The following WDR12 variants were observed in gnomAD, a reference collection of about 807,000 sequenced individuals.
WDR12 encodes ribosome biogenesis protein WDR12.
In WDR12, 42 loss-of-function variants were observed where a neutral mutation model predicts 64.3. That is an observed-to-expected ratio of 0.65 (90% CI 0.51 to 0.84). The LOEUF is 0.84. WDR12 is among the 40% of genes least tolerant of loss of function. The probability of loss-of-function intolerance (pLI) is 0.00; values close to 1 mark genes in which losing one functional copy is unlikely to be tolerated. For missense variants in WDR12, 469 were observed against 494.6 expected (o/e 0.95, Z 0.49); for synonymous variants, 158 against 173.3 (o/e 0.91, Z 0.70).
At chr2:202,899,697 G>C in intron 3 of WDR12, 60 bp from the exon 4 acceptor site, 1 of 1,441,526 alleles carries the variant, frequency 6.9e-7, no homozygotes, top group Non-Finnish European at 9.7e-7. Context: ...ATTACATTAT[G>C]AAGATAACCC....
intron 4 of WDR12, 55 bp downstream of exon 4, chr2:202,899,476 C>T (rs1399003569): frequency 1.4e-5 from 21 of 1,464,592 alleles, no homozygotes; most frequent in African/African-American, 2.8e-5. Flanking sequence ...TTTAAAAAGA[C>T]TGAAGGAGGT....
chr2:202,900,303 T>C (rs1297140216), intron 3 of WDR12, among the ~76,000 whole-genome samples: 3 of 144,026 alleles, frequency 2.1e-5, no homozygotes, highest in Non-Finnish European at 3.0e-5. Flanking sequence ...CACTCCAGCC[T>C]GGGCAACAGA....
intron 11 of WDR12, 113 bp downstream of exon 11, chr2:202,883,496 A>C (rs1574401615): frequency 1.5e-6 from 2 of 1,332,036 alleles, no homozygotes; most frequent in Non-Finnish European, 2.0e-6. Context: ...TGAGGTTGCA[A>C]AACCATGAGG....
intron 5 of WDR12, 138 bp from the exon 6 acceptor site, chr2:202,896,357 TA>T: frequency 1.1e-6 from 1 of 931,008 alleles, no homozygotes; most frequent in Non-Finnish European, 1.6e-6. Flanking sequence ...GGCCAGGTTT[TA>T]AAAGGCTGAT....
intron 4 of WDR12, among the ~76,000 whole-genome samples, chr2:202,897,888 CAAA>C (rs10637220): frequency 2.0e-4 from 15 of 74,188 alleles, no homozygotes; most frequent in Admixed American, 4.3e-4. Flanking sequence ...GACTCCGTTT[CAAA>C]AAAAAAAAAA....
intron 8 of WDR12, among the ~76,000 whole-genome samples, chr2:202,891,558 A>T (rs1177786966): frequency 6.6e-6 from 1 of 152,202 alleles, no homozygotes; most frequent in Non-Finnish European, 1.5e-5. Flanking sequence ...AGAAATTATA[A>T]ATCATTACTT....
rs762003777 is a variant in WDR12 at position 202,894,641 on chromosome 2, A to G, written c.610-15T>C. On this transcript the variant is annotated splice_polypyrimidine_tract_variant and intron_variant, in intron 6 of 12. Coordinates refer to ENST00000261015, the MANE Select transcript of WDR12 (RefSeq NM_018256.4). ...CCACTGCAAAACTAAACAGATGTAT[A>G]TGAAGGGAAAAGACATATGTAATAT... is the stretch of plus-strand genomic sequence containing the variant. 6.2e-7 allele frequency: 1 copy of G among 1,602,822 alleles called. No individual in the cohort carries two copies. The highest frequency in any genetic ancestry group is 8.5e-7 in the Non-Finnish European group (1 of 1,174,158).
rs1687848322 is a variant in WDR12 at position 202,875,782 on chromosome 2, A to T, written c.*5078T>A. On this transcript the variant is annotated 3_prime_UTR_variant, in exon 13 of 13. Coordinates refer to ENST00000261015, the MANE Select transcript of WDR12 (RefSeq NM_018256.4). ...TTCTTGTGCACGACATAAGATTGACAAAATATATACCAGTTAAGAGCTTGT... is the reference window on the plus strand; with the variant it reads ...TTCTTGTGCACGACATAAGATTGACTAAATATATACCAGTTAAGAGCTTGT... 6.6e-6 allele frequency: 1 copy of T among 152,200 alleles called. No homozygotes were observed. Among genetic ancestry groups the T allele is most frequent in the South Asian group, 2.1e-4 (1 of 4,834 alleles). The allele number at this position is 152,200 out of a possible 1,614,324, so 9.4% of individuals were successfully genotyped here. A position where few individuals can be genotyped will look rare whatever the true frequency, so the allele number is the denominator to read the frequency against.
In WDR12 at chr2:202,911,606, G is replaced by A; in HGVS notation, c.-130C>T. On this transcript the variant is annotated 5_prime_UTR_variant, in exon 1 of 13. Coordinates refer to ENST00000261015, the MANE Select transcript of WDR12 (RefSeq NM_018256.4). Reference sequence around the variant, plus strand: ...CTGCACAGGTAAGCGAGGAACTGCAGTCTAAGCCTGGACTCTGCCTTCTGC... The same window carrying A: ...CTGCACAGGTAAGCGAGGAACTGCAATCTAAGCCTGGACTCTGCCTTCTGC... 1.2e-6 allele frequency: 1 copy of A among 841,830 alleles called. No individual in the cohort carries two copies. The highest frequency in any genetic ancestry group is 1.4e-5 in the South Asian group (1 of 70,564). 52.1% of individuals were successfully genotyped at this position (841,830 alleles called of 1,614,324 possible). A position where few individuals can be genotyped will look rare whatever the true frequency, so the allele number is the denominator to read the frequency against.
chr2:202,907,786 G>T, intron 2 of WDR12, 79 bp downstream of exon 2: 2 of 1,155,614 alleles, frequency 1.7e-6, no homozygotes, highest in Non-Finnish European at 2.5e-6. Context: ...GTATCATAAG[G>T]CCAAAAAAGG....
chr2:202,884,350 A>G, intron 9 of WDR12, 45 bp downstream of exon 9: 2 of 1,613,408 alleles, frequency 1.2e-6, no homozygotes, highest in Non-Finnish European at 1.7e-6. Context: ...ACTAAAAACC[A>G]TCTCTAGAAG....
At chr2:202,903,160 A>G (rs1404197184) in intron 2 of WDR12, among the ~76,000 whole-genome samples, 2 of 152,212 alleles carry the variant, frequency 1.3e-5, no homozygotes, top group Non-Finnish European at 1.5e-5. Context: ...GAACCCTAAT[A>G]TATACATCAT....
chr2:202,890,597 G>A (rs560885804), intron 8 of WDR12, among the ~76,000 whole-genome samples: 62 of 151,692 alleles, frequency 4.1e-4, no homozygotes, highest in Non-Finnish European at 7.8e-4. Context: ...GTGAAACCCC[G>A]TCTCTACAAA....
chr2:202,888,557 C>G (rs1281478890), intron 8 of WDR12, among the ~76,000 whole-genome samples: 1 of 152,110 alleles, frequency 6.6e-6, no homozygotes, highest in African/African-American at 2.4e-5. Context: ...GAGGAAAAGA[C>G]TATTGTATGT....
rs1385222530 is a variant in WDR12 at position 202,894,618 on chromosome 2, A to G, written c.618T>C (p.Ser206=). The G allele has an allele frequency of 6.2e-7, 1 of 1,607,664 alleles. No individual in the cohort carries two copies. ...TCTTTAGCATCTTATCCCAGGAGCC[A>G]CTGCAAAACTAAACAGATGTATATG... ...AVDGSGTKFC[S]GSWDKMLKIW... Residue 206 remains serine (S), a synonymous_variant, in exon 7 of 13, where the codon AGT becomes AGC. Coordinates refer to ENST00000261015, the MANE Select transcript of WDR12 (RefSeq NM_018256.4).
rs1256861992 is a variant in WDR12 at position 202,883,735 on chromosome 2, G to A, written c.995C>T (p.Ser332Phe). The part of the protein sequence containing the change: ...RLWDPRTKDG[S>F]LVSLSLTSHT... ...TGACGTTAGGGACAGCGACACCAAA[G>A]AACCATCTGAACAAAGCAAAAAAGA... is the stretch of plus-strand genomic sequence containing the variant. The change falls in exon 11 of 13, where the codon TCT (serine) becomes TTT (phenylalanine). Residue 332 changes from serine (S) to phenylalanine (F), a missense_variant. Physicochemically the swap from Ser to Phe is radical, Grantham distance 155 (BLOSUM62 -2). Coordinates refer to ENST00000261015, the MANE Select transcript of WDR12 (RefSeq NM_018256.4). The A allele has an allele frequency of 6.8e-6, 11 of 1,612,528 alleles. No homozygotes were observed. Among genetic ancestry groups the A allele is most frequent in the Non-Finnish European group, 9.3e-6 (11 of 1,179,650 alleles).
At chr2:202,904,110 C>T (rs1442416035) in intron 2 of WDR12, among the ~76,000 whole-genome samples, 3 of 119,714 alleles carry the variant, frequency 2.5e-5, no homozygotes, top group Admixed American at 1.1e-4. Flanking sequence ...TGCACTCCAA[C>T]CTGGGCAACA....
At chr2:202,889,822 G>A (rs567933838) in intron 8 of WDR12, among the ~76,000 whole-genome samples, 3 of 151,912 alleles carry the variant, frequency 2.0e-5, no homozygotes, top group East Asian at 1.9e-4. Flanking sequence ...AGGCTGAGGC[G>A]TGAGGATTGT....
intron 2 of WDR12, among the ~76,000 whole-genome samples, chr2:202,904,782 A>C (rs963142589): frequency 2.0e-5 from 3 of 152,230 alleles, no homozygotes; most frequent in African/African-American, 7.2e-5. Flanking sequence ...TTTCTTGAGT[A>C]ATACCACACA....
Sources: gnomAD v4.1 joint callset for allele counts (sites outside exome capture counted in the v4.1 genomes callset) on GRCh38, gnomAD v4.1.1 for gene constraint, MANE v1.5 for transcripts, NCBI Gene and HGNC (gene_info 2026-07-23, HGNC 2026-07-21) for gene names.